PCBP3: variants seen among roughly 807,000 people sequenced by gnomAD.
The protein encoded by PCBP3 is poly(rC) binding protein 3, also known as poly(rC)-binding protein 3.
In PCBP3, 25 loss-of-function variants were observed where a neutral mutation model predicts 52.7. That is an observed-to-expected ratio of 0.47 (90% confidence interval 0.35 to 0.66). The LOEUF (loss-of-function observed/expected upper bound fraction) is 0.66. Ranked by LOEUF, PCBP3 falls within the 30% of genes least tolerant of loss-of-function variation. PCBP3 has a pLI of 0.01. For synonymous variants in PCBP3, 162 were observed against 183.0 expected, an observed-to-expected ratio of 0.89 and a Z score of 0.93; for missense variants, 391 against 490.3, an observed-to-expected ratio of 0.80 and a Z score of 1.91.
intron 4 of PCBP3, among the ~76,000 whole-genome samples, chr21:45,835,801 C>A (rs2093571763): frequency 6.6e-6 from 1 of 152,054 alleles, no homozygotes; most frequent in African/African-American, 2.4e-5. Flanking sequence ...GACCCTGGGC[C>A]CAGGGTCTTG....
intron 2 of PCBP3, among the ~76,000 whole-genome samples, chr21:45,733,612 A>G (rs1483573794): frequency 6.8e-6 from 1 of 146,164 alleles, no homozygotes; most frequent in Non-Finnish European, 1.5e-5. Flanking sequence ...TTATGTATTT[A>G]TTTATTCAAA....
intron 4 of PCBP3, among the ~76,000 whole-genome samples, chr21:45,796,032 C>T (rs1023376126): frequency 2.6e-5 from 4 of 152,082 alleles, no homozygotes; most frequent in African/African-American, 9.7e-5. Context: ...TGAAAAGACC[C>T]GTAATTGTGA....
chr21:45,732,557 G>GTTATTTAT (rs1023848343), intron 2 of PCBP3, among the ~76,000 whole-genome samples: 81 of 149,544 alleles, frequency 5.4e-4, no homozygotes, highest in African/African-American at 1.7e-3. Context: ...TTAGTTTAAT[G>GTTATTTAT]TTATTTATTT....
At chr21:45,889,864 G>C (rs201129006) in intron 5 of PCBP3, among the ~76,000 whole-genome samples, 2 of 152,248 alleles carry the variant, frequency 1.3e-5, no homozygotes, top group African/African-American at 4.8e-5. Flanking sequence ...TCTCCAGTGT[G>C]ACTTTAAGGA....
intron 5 of PCBP3, among the ~76,000 whole-genome samples, chr21:45,859,486 C>A (rs2148407504): frequency 6.6e-6 from 1 of 152,340 alleles, no homozygotes; most frequent in African/African-American, 2.4e-5. Flanking sequence ...CCCAGGTTGC[C>A]CAGGAAACTC....
chr21:45,923,231 C>T (rs2074714544), intron 13 of PCBP3, among the ~76,000 whole-genome samples: 2 of 152,186 alleles, frequency 1.3e-5, no homozygotes, highest in Admixed American at 6.5e-5. Context: ...GTGAGGGGTC[C>T]CCTCACTGTA....
At chr21:45,889,031 A>G (rs2095589325) in intron 5 of PCBP3, among the ~76,000 whole-genome samples, 1 of 152,258 alleles carries the variant, frequency 6.6e-6, no homozygotes, top group Admixed American at 6.5e-5. Context: ...TATGGGCTCA[A>G]TACCACTTTG....
At chr21:45,798,204 A>C (rs893358132) in intron 4 of PCBP3, among the ~76,000 whole-genome samples, 2 of 150,672 alleles carry the variant, frequency 1.3e-5, no homozygotes, top group Non-Finnish European at 2.9e-5. Context: ...GGATGAATGC[A>C]TGGATCCATA....
At chr21:45,649,065 C>T (rs2079511138) in intron 1 of PCBP3, among the ~76,000 whole-genome samples, 1 of 152,134 alleles carries the variant, frequency 6.6e-6, no homozygotes, top group Non-Finnish European at 1.5e-5. Flanking sequence ...TAAAGACATA[C>T]CCGAGACTGG....
intron 2 of PCBP3, among the ~76,000 whole-genome samples, chr21:45,674,258 T>C (rs112036689): frequency 6.6e-6 from 1 of 152,236 alleles, no homozygotes; most frequent in African/African-American, 2.4e-5. Flanking sequence ...GACCAATTCA[T>C]TGTAAGTTTT....
In PCBP3 at chr21:45,736,721, C is replaced by T. The variant is rs58393620; in HGVS notation, c.-162+1292C>T. Among the ~76,000 whole-genome samples, 741 of 152,288 alleles carry T rather than the reference C, an allele frequency of 4.9e-3. 6 individuals are homozygous for T. Among genetic ancestry groups the T allele is most frequent in the African/African-American group, 0.016 (679 of 41,552 alleles). ...AGTTCTTACTAACAAATTACTTGAA[C>T]AAAGACTTTGTTTGTTCCTTCATTC... On this transcript the variant is annotated intron_variant, in intron 3 of 17. Coordinates refer to ENST00000681687, the MANE Select transcript of PCBP3 (RefSeq NM_001384156.1). The surrounding 1 kb of genome is among the most constrained non-coding windows in gnomAD (Gnocchi z 4.6).
At chr21:45,839,420 G>C (rs972762270) in intron 4 of PCBP3, among the ~76,000 whole-genome samples, 2 of 152,134 alleles carry the variant, frequency 1.3e-5, no homozygotes, top group Non-Finnish European at 2.9e-5. Context: ...CATACCTTAT[G>C]ACAAAGCTTC....
intron 4 of PCBP3, among the ~76,000 whole-genome samples, chr21:45,838,898 A>T (rs1471609412): frequency 6.6e-6 from 1 of 152,198 alleles, no homozygotes; most frequent in African/African-American, 2.4e-5. Flanking sequence ...CATTTACATG[A>T]TTCTAAAGTC....
chr21:45,881,011 G>A (rs2095390756), intron 5 of PCBP3, among the ~76,000 whole-genome samples: 1 of 152,202 alleles, frequency 6.6e-6, no homozygotes, highest in Non-Finnish European at 1.5e-5. Context: ...GCTCCTGAGT[G>A]GACATGCCTG....
At chr21:45,758,183 T>G (rs2088258770) in intron 4 of PCBP3, among the ~76,000 whole-genome samples, 1 of 152,266 alleles carries the variant, frequency 6.6e-6, no homozygotes, top group Non-Finnish European at 1.5e-5. Flanking sequence ...GGCCAGTCTA[T>G]GTATATTCTT....
intron 1 of PCBP3, among the ~76,000 whole-genome samples, chr21:45,647,014 T>C (rs2079358340): frequency 6.6e-6 from 1 of 152,080 alleles, no homozygotes; most frequent in African/African-American, 2.4e-5. Flanking sequence ...TTCTTTCTCT[T>C]GAGGTTAATG....
intron 5 of PCBP3, among the ~76,000 whole-genome samples, chr21:45,881,838 C>T (rs1603464361): frequency 6.6e-6 from 1 of 152,158 alleles, no homozygotes; most frequent in African/African-American, 2.4e-5. Context: ...GTTCATTTTA[C>T]TTGTTATAAT....
intron 16 of PCBP3, among the ~76,000 whole-genome samples, chr21:45,937,729 C>A (rs1603568837): frequency 6.6e-6 from 1 of 152,192 alleles, no homozygotes; most frequent in Non-Finnish European, 1.5e-5. Flanking sequence ...GTGGGAGGTG[C>A]CCTTGGGCTG....
chr21:45,891,812 C>T (rs913296619), intron 5 of PCBP3, among the ~76,000 whole-genome samples: 3 of 152,198 alleles, frequency 2.0e-5, no homozygotes, highest in African/African-American at 7.2e-5. Context: ...TCTCTCTGAG[C>T]GCCTCCTCCC....
Sources: gnomAD v4.1 joint callset for allele counts (sites outside exome capture counted in the v4.1 genomes callset) on GRCh38, gnomAD v4.1.1 for gene constraint, Gnocchi (gnomAD v3.1) non-coding constraint, MANE v1.5 for transcripts, NCBI Gene and HGNC (gene_info 2026-07-23, HGNC 2026-07-21) for gene names.